The following IPO11 variants were observed in gnomAD, a reference collection of about 807,000 sequenced individuals.
IPO11 encodes importin-11.
Under a neutral mutation model 143.2 loss-of-function variants are expected in IPO11, and 66 were observed. That is an observed-to-expected ratio of 0.46 (90% CI 0.38 to 0.57). The LOEUF is 0.57. Among genes scored for constraint, IPO11 ranks in the 20% least tolerant of loss-of-function variants. The probability of loss-of-function intolerance (pLI) is 0.00; values close to 1 mark genes in which losing one functional copy is unlikely to be tolerated. For missense variants in IPO11, 1,026 were observed against 1,141.0 expected (o/e 0.90, Z 1.45); for synonymous variants, 385 against 377.8 (o/e 1.02, Z -0.22).
intron 29 of IPO11, among the ~76,000 whole-genome samples, chr5:62,620,347 A>G (rs529711186): frequency 5.1e-4 from 78 of 152,134 alleles, no homozygotes; most frequent in Non-Finnish European, 9.7e-4. Flanking sequence ...GTGAAACCCC[A>G]TCTCTCCTAA....
intron 29 of IPO11, among the ~76,000 whole-genome samples, chr5:62,622,332 T>C (rs2112483565): frequency 1.3e-5 from 2 of 152,298 alleles, no homozygotes; most frequent in East Asian, 3.9e-4. Flanking sequence ...ATGATTCCCT[T>C]ATGCTGCCAA....
chr5:62,571,842 C>T (rs1412379484), intron 27 of IPO11, among the ~76,000 whole-genome samples: 3 of 152,088 alleles, frequency 2.0e-5, no homozygotes, highest in East Asian at 1.9e-4. Flanking sequence ...CACACCACCA[C>T]GCCCAGCTCA....
At chr5:62,439,206 A>G (rs1005650502) in intron 2 of IPO11, among the ~76,000 whole-genome samples, 1 of 152,054 alleles carries the variant, frequency 6.6e-6, no homozygotes, top group Non-Finnish European at 1.5e-5. Context: ...CTGGACCTTA[A>G]AAACCAATAG....
At chr5:62,451,294 C>T (rs779353802) in intron 4 of IPO11, among the ~76,000 whole-genome samples, 13 of 151,948 alleles carry the variant, frequency 8.6e-5, no homozygotes, top group African/African-American at 3.1e-4. Context: ...TAAAAATATT[C>T]GTGTAAAAAA....
intron 29 of IPO11, among the ~76,000 whole-genome samples, chr5:62,619,025 G>A (rs527270723): frequency 4.6e-5 from 7 of 152,160 alleles, no homozygotes; most frequent in African/African-American, 1.7e-4. Flanking sequence ...GAGGTCAGGA[G>A]TTCAAGACCA....
intron 22 of IPO11, among the ~76,000 whole-genome samples, chr5:62,532,398 C>A (rs1367115449): frequency 2.0e-5 from 3 of 152,040 alleles, no homozygotes; most frequent in Non-Finnish European, 4.4e-5. Context: ...TGCTCTGTCA[C>A]CCAGGCTGGA....
intron 3 of IPO11, among the ~76,000 whole-genome samples, chr5:62,447,392 C>T (rs1296850437): frequency 6.6e-6 from 1 of 152,096 alleles, no homozygotes; most frequent in Non-Finnish European, 1.5e-5. Context: ...AGGCGTGAGC[C>T]AGTGCCCCCA....
rs370186556 is a variant in IPO11 at position 62,550,368 on chromosome 5, T to C, written c.2252T>C (p.Val751Ala). 7 of 1,608,680 alleles carry C rather than the reference T, an allele frequency of 4.4e-6. No individual in the cohort carries two copies. The highest frequency in any genetic ancestry group is 1.1e-5 in the South Asian group (1 of 90,496). Residue 751 changes from valine to alanine, a missense_variant and splice_region_variant, in exon 25 of 30, where the codon GTT becomes GCT. By Grantham distance (64) the Val-to-Ala change is moderately conservative. This residue lies in a region of IPO11 where 351 missense variants were observed against 358.9 expected (regional missense o/e 0.98). Transcript: ENST00000325324. Reference sequence around the variant, plus strand: ...CCAATCTTTCTTTCTGGTTTTTAGGTTGTGGAAAATGCCCTTAAAGTGAAC... The same window carrying C: ...CCAATCTTTCTTTCTGGTTTTTAGGCTGTGGAAAATGCCCTTAAAGTGAAC... ...TTEGQVQVLK[V>A]VENALKVNPI...
chr5:62,427,457 A>G (rs943377498), intron 1 of IPO11, among the ~76,000 whole-genome samples: 1 of 152,194 alleles, frequency 6.6e-6, no homozygotes, highest in Non-Finnish European at 1.5e-5. Flanking sequence ...GTCATAGGGC[A>G]GGTGTCCCCA....
intron 29 of IPO11, among the ~76,000 whole-genome samples, chr5:62,625,362 TTCTG>T (rs956998561): frequency 8.5e-5 from 13 of 152,322 alleles, no homozygotes; most frequent in African/African-American, 2.4e-4. Context: ...ACTAGAACCA[TTCTG>T]TCTTAGAGTA....
chr5:62,613,426 C>T (rs1303961438), intron 29 of IPO11, among the ~76,000 whole-genome samples: 1 of 151,246 alleles, frequency 6.6e-6, no homozygotes, highest in Non-Finnish European at 1.5e-5. Context: ...CCTCAGCCCT[C>T]CAAGTAGCAG....
chr5:62,493,064 G>A (rs1041461969), intron 15 of IPO11, among the ~76,000 whole-genome samples: 1 of 152,120 alleles, frequency 6.6e-6, no homozygotes, highest in African/African-American at 2.4e-5. Flanking sequence ...ATTTCTTTTA[G>A]CGAAGATGAT....
At chr5:62,579,618 A>T in intron 27 of IPO11, 1 of 1,550,928 alleles carries the variant, frequency 6.4e-7, no homozygotes, top group Non-Finnish European at 8.7e-7. Flanking sequence ...ATTTTCCTGA[A>T]AGTACAGTTT....
chr5:62,449,340 T>C (rs1181145947), intron 3 of IPO11, among the ~76,000 whole-genome samples: 1 of 152,246 alleles, frequency 6.6e-6, no homozygotes, highest in African/African-American at 2.4e-5. Context: ...ATTGTGTTTA[T>C]TCTTTTCGGA....
At chr5:62,499,511 C>T (rs1741272545) in intron 16 of IPO11, among the ~76,000 whole-genome samples, 1 of 149,608 alleles carries the variant, frequency 6.7e-6, no homozygotes, top group South Asian at 2.1e-4. Flanking sequence ...TTAGGCTACA[C>T]TAAATATATT....
rs34276216 is a variant in IPO11, at chr5:62,463,672, C to CA, written c.517-3445dup. ...GGCAACAGAGTGAGACTCTTTGTCTCAAAAAAAAAAAAAAGTTTAAACAGA... is the reference window on the plus strand; with the variant it reads ...GGCAACAGAGTGAGACTCTTTGTCTCAAAAAAAAAAAAAAAGTTTAAACAGA... On this transcript the variant is annotated intron_variant, in intron 5 of 29. Transcript: ENST00000325324. Among the ~76,000 whole-genome samples, 894 of 113,938 alleles carry CA rather than the reference C, an allele frequency of 7.8e-3. 4 individuals are homozygous for CA. Among genetic ancestry groups the CA allele is most frequent in the African/African-American group, 0.022 (688 of 30,588 alleles). The allele number at this position is 113,938 out of a possible 152,430, so 74.7% of individuals were successfully genotyped here. A position where few individuals can be genotyped will look rare whatever the true frequency, so the allele number is the denominator to read the frequency against.
At chr5:62,425,470 A>T (rs1430058374) in intron 1 of IPO11, among the ~76,000 whole-genome samples, 1 of 152,150 alleles carries the variant, frequency 6.6e-6, no homozygotes, top group Non-Finnish European at 1.5e-5. Context: ...GGCGAGCGCC[A>T]CCATGCCTGG....
Position 62,585,242 on chromosome 5 carries a change from T to C in IPO11, c.2583-6335T>C, listed in dbSNP as rs115229701. Among the ~76,000 whole-genome samples, 1,292 of 152,336 alleles carry C rather than the reference T, an allele frequency of 8.5e-3. 17 individuals are homozygous for C. The highest frequency in any genetic ancestry group is 0.03 in the African/African-American group (1,239 of 41,574). ...CTGAGGAGCAAACGTTTTTATGTTGTAGTGCAGTTTCCTCAAGCTTTGGCT... is the reference window on the plus strand; with the variant it reads ...CTGAGGAGCAAACGTTTTTATGTTGCAGTGCAGTTTCCTCAAGCTTTGGCT... On this transcript the variant is annotated intron_variant, in intron 27 of 29. Transcript: ENST00000325324.
intron 22 of IPO11, among the ~76,000 whole-genome samples, chr5:62,532,443 C>T (rs576356527): frequency 2.0e-5 from 3 of 152,116 alleles, no homozygotes; most frequent in South Asian, 2.1e-4. Context: ...GTGCAACCTC[C>T]GCCTCCCAGG....
Sources: gnomAD v4.1 joint callset for allele counts (sites outside exome capture counted in the v4.1 genomes callset) on GRCh38, gnomAD v4.1.1 for gene constraint, gnomAD v4.1.1 regional missense constraint, MANE v1.5 for transcripts, NCBI Gene and HGNC (gene_info 2026-07-23, HGNC 2026-07-21) for gene names.